The following NOS1AP variants were observed in gnomAD, a reference collection of about 807,000 sequenced individuals.
NOS1AP encodes nitric oxide synthase 1 adaptor protein, also known as carboxyl-terminal PDZ ligand of neuronal nitric oxide synthase protein.
A neutral mutation model predicts 56.2 loss-of-function variants in NOS1AP; 21 were observed. That is an observed-to-expected ratio of 0.37 (90% CI 0.26 to 0.54). The LOEUF (loss-of-function observed/expected upper bound fraction) is 0.54, where lower values mean the gene tolerates loss of function less well. Among genes scored for constraint, NOS1AP ranks in the 20% least tolerant of loss-of-function variants. The pLI, the probability that NOS1AP is intolerant of heterozygous loss-of-function variation, is 0.84. For missense variants in NOS1AP, 522 were observed against 657.8 expected, an observed-to-expected ratio of 0.79 and a Z score of 2.26; for synonymous variants, 270 against 274.6, an observed-to-expected ratio of 0.98 and a Z score of 0.17.
At chr1:162,080,144 G>A (rs1159923381) in intron 1 of NOS1AP, among the ~76,000 whole-genome samples, 6 of 152,184 alleles carry the variant, frequency 3.9e-5, no homozygotes, top group African/African-American at 1.4e-4. Flanking sequence ...TTAATACCTT[G>A]TGATGCTTAC....
At chr1:162,104,817 TG>T (rs1238319675) in intron 1 of NOS1AP, among the ~76,000 whole-genome samples, 1 of 152,232 alleles carries the variant, frequency 6.6e-6, no homozygotes, top group African/African-American at 2.4e-5. Flanking sequence ...TGTTTTATCA[TG>T]ATTCCTAGCT....
chr1:162,365,695 T>C (rs2101830962), intron 9 of NOS1AP, 126 bp downstream of exon 9: 1 of 1,205,482 alleles, frequency 8.3e-7, no homozygotes, highest in Non-Finnish European at 1.2e-6. Context: ...GCAGAAAACA[T>C]AGGCAGCTTT....
rs1185145469 is a variant in NOS1AP at position 162,123,781 on chromosome 1, A to G, written c.106-30624A>G. On this transcript the variant is annotated intron_variant, in intron 1 of 9. Coordinates refer to ENST00000361897, the MANE Select transcript of NOS1AP (RefSeq NM_014697.3). ...CTCATATTCATTGATCCCTTCATCT[A>G]TCTATATACACACACACATTGTTTT... Among the ~76,000 whole-genome samples the G allele has an allele frequency of 2.6e-5, 4 of 152,130 alleles. No individual in the cohort carries two copies. The South Asian group carries it at 6.2e-4, about 24-fold the overall frequency.
intron 2 of NOS1AP, among the ~76,000 whole-genome samples, chr1:162,155,244 A>T (rs1015917253): frequency 1.4e-5 from 2 of 146,614 alleles, no homozygotes; most frequent in African/African-American, 5.0e-5. Flanking sequence ...ATACATATAC[A>T]TATACACATA....
chr1:162,108,120 T>C (rs1039251759), intron 1 of NOS1AP, among the ~76,000 whole-genome samples: 4 of 152,334 alleles, frequency 2.6e-5, no homozygotes, highest in Non-Finnish European at 5.9e-5. Context: ...TGTGCCAGAC[T>C]GTGATTGCCA....
At chr1:162,124,275 C>T (rs74316376) in intron 1 of NOS1AP, among the ~76,000 whole-genome samples, 3,896 of 152,178 alleles carry the variant, frequency 0.026, 163 homozygotes, top group African/African-American at 0.088. Flanking sequence ...CTCTCACCCC[C>T]GTCTTGCCCT....
intron 1 of NOS1AP, among the ~76,000 whole-genome samples, chr1:162,128,817 T>G (rs561330635): frequency 1.3e-4 from 20 of 152,308 alleles, no homozygotes; most frequent in South Asian, 2.1e-4. Flanking sequence ...AAGAAATCAG[T>G]TTAAAATGAG....
intron 2 of NOS1AP, among the ~76,000 whole-genome samples, chr1:162,244,081 G>T (rs1441215386): frequency 6.6e-6 from 1 of 152,188 alleles, no homozygotes; most frequent in Non-Finnish European, 1.5e-5. Flanking sequence ...GGGCCTTAAA[G>T]TATTTTTACC....
At chr1:162,290,529 A>C (rs1655255329) in intron 3 of NOS1AP, among the ~76,000 whole-genome samples, 1 of 152,214 alleles carries the variant, frequency 6.6e-6, no homozygotes, top group African/African-American at 2.4e-5. Flanking sequence ...CTCCAAGGAA[A>C]TGGAATACTT....
chr1:162,202,714 G>T (rs1342441033), intron 2 of NOS1AP, among the ~76,000 whole-genome samples: 2 of 152,092 alleles, frequency 1.3e-5, no homozygotes, highest in Non-Finnish European at 2.9e-5. Flanking sequence ...AAACTGTTGA[G>T]ATATATATGT....
chr1:162,225,369 C>A (rs1010879520), intron 2 of NOS1AP, among the ~76,000 whole-genome samples: 3 of 152,134 alleles, frequency 2.0e-5, no homozygotes, highest in Non-Finnish European at 4.4e-5. Context: ...CACCCTCCAC[C>A]ACAGAAGATG....
At chr1:162,199,626 GTGTGTGTGTGTGTGTCTGTGTGTA>G (rs1183315414) in intron 2 of NOS1AP, among the ~76,000 whole-genome samples, 57 of 145,184 alleles carry the variant, frequency 3.9e-4, no homozygotes, top group African/African-American at 1.3e-3. Flanking sequence ...GTGTGTGTGT[GTGTGTGTGTGTGTGTCTGTGTGTA>G]AATTCTTGCA....
At chr1:162,173,400 C>A (rs191964449) in intron 2 of NOS1AP, among the ~76,000 whole-genome samples, 84 of 152,172 alleles carry the variant, frequency 5.5e-4, no homozygotes, top group African/African-American at 2.0e-3. Flanking sequence ...CTTCCTTACA[C>A]CTTATACAAA....
At chr1:162,084,166 G>A (rs954603503) in intron 1 of NOS1AP, among the ~76,000 whole-genome samples, 8 of 152,068 alleles carry the variant, frequency 5.3e-5, no homozygotes, top group African/African-American at 1.2e-4. Context: ...TGTCATCTTC[G>A]CGTTGGCTTC....
intron 2 of NOS1AP, among the ~76,000 whole-genome samples, chr1:162,282,898 C>T (rs1343325436): frequency 2.6e-5 from 4 of 152,154 alleles, no homozygotes; most frequent in Admixed American, 2.0e-4. Context: ...CAGGTCTTGG[C>T]TGACATCTGT....
Position 162,310,515 on chromosome 1 carries a change from G to A in NOS1AP, c.344+9809G>A, listed in dbSNP as rs568158278. Among the ~76,000 whole-genome samples the A allele has an allele frequency of 4.3e-4, 65 of 152,350 alleles. 1 individual carries two copies. The South Asian group carries it at 0.013, about 30-fold the overall frequency. ...TATGAGTGTCCATCACTCTAGTCAT[G>A]AGTCATGTTTCATGTAGAGTTGATG... On this transcript the variant is annotated intron_variant, in intron 4 of 9. Coordinates refer to ENST00000361897, the MANE Select transcript of NOS1AP (RefSeq NM_014697.3).
intron 4 of NOS1AP, among the ~76,000 whole-genome samples, chr1:162,308,252 C>T (rs1655907403): frequency 6.6e-6 from 1 of 152,158 alleles, no homozygotes; most frequent in Non-Finnish European, 1.5e-5. Context: ...GTCCCAGGTG[C>T]AGGGAAAACA....
intron 2 of NOS1AP, among the ~76,000 whole-genome samples, chr1:162,222,879 T>G (rs932265026): frequency 1.3e-5 from 2 of 152,194 alleles, no homozygotes; most frequent in Non-Finnish European, 2.9e-5. Flanking sequence ...TAAGATCACG[T>G]GTGCTGATTA....
intron 1 of NOS1AP, among the ~76,000 whole-genome samples, chr1:162,137,936 G>A (rs574442692): frequency 5.8e-4 from 89 of 152,174 alleles, no homozygotes; most frequent in African/African-American, 2.0e-3. Flanking sequence ...AGCATATATG[G>A]GTCTGTGAGA....
Sources: gnomAD v4.1 joint callset for allele counts (sites outside exome capture counted in the v4.1 genomes callset) on GRCh38, gnomAD v4.1.1 for gene constraint, MANE v1.5 for transcripts, NCBI Gene and HGNC (gene_info 2026-07-23, HGNC 2026-07-21) for gene names.